XRCC5: variants seen among roughly 807,000 people sequenced by gnomAD.
XRCC5 encodes the protein X-ray repair cross complementing 5, also known as DNA repair protein Ku80.
In XRCC5, 12 loss-of-function variants were observed where a neutral mutation model predicts 95.7. That is an observed-to-expected ratio of 0.13 (90% confidence interval 0.08 to 0.20). XRCC5 has a LOEUF of 0.20. XRCC5 is among the 10% of genes least tolerant of loss of function. The pLI is 1.00. For missense variants in XRCC5, 595 were observed against 873.9 expected, an observed-to-expected ratio of 0.68 and a Z score of 4.02; for synonymous variants, 281 against 290.3, an observed-to-expected ratio of 0.97 and a Z score of 0.33.
chr2:216,131,737 T>G (rs1191724619), intron 9 of XRCC5, among the ~76,000 whole-genome samples: 5 of 152,222 alleles, frequency 3.3e-5, no homozygotes, highest in Admixed American at 3.3e-4. Context: ...TTTAGGAGAC[T>G]TCATCATCTG....
chr2:216,162,035 C>A lies in XRCC5; in HGVS notation c.1821C>A (p.Ala607=). ...NFRVLVKQKK[A]SFEEASNQLI... is the part of the protein sequence containing the mutation. ...GTGTTCTAGTGAAACAGAAGAAGGC[C>A]AGCTTTGAGGAAGGTGAGTGGTTGA... The change falls in exon 16 of 21, where the codon GCC becomes GCA. Residue 607 remains alanine, a synonymous_variant. Coordinates refer to ENST00000392132, the MANE Select transcript of XRCC5 (RefSeq NM_021141.4). 6.2e-7 allele frequency: 1 copy of A among 1,614,070 alleles called. No individual in the cohort carries two copies. Among genetic ancestry groups the A allele is most frequent in the Non-Finnish European group, 8.5e-7 (1 of 1,179,978 alleles).
chr2:216,191,012 C>G (rs1468591047), intron 17 of XRCC5, among the ~76,000 whole-genome samples: 2 of 152,052 alleles, frequency 1.3e-5, no homozygotes, highest in Non-Finnish European at 2.9e-5. Context: ...TGAATTAATG[C>G]TTAAATAATT....
intron 10 of XRCC5, among the ~76,000 whole-genome samples, chr2:216,133,415 A>T (rs76053844): frequency 6.6e-6 from 1 of 152,286 alleles, no homozygotes; most frequent in Non-Finnish European, 1.5e-5. Flanking sequence ...GGCTCAAGCG[A>T]TTCTCCTACC....
chr2:216,155,747 A>G (rs190298165), intron 14 of XRCC5, among the ~76,000 whole-genome samples: 2 of 152,374 alleles, frequency 1.3e-5, no homozygotes, highest in Admixed American at 6.5e-5. Flanking sequence ...TAAAAAGCAC[A>G]TACATAAAGC....
chr2:216,187,774 C>T (rs1359216870), intron 16 of XRCC5, among the ~76,000 whole-genome samples: 1 of 142,062 alleles, frequency 7.0e-6, no homozygotes, highest in Non-Finnish European at 1.5e-5. Flanking sequence ...ATCTGTGATG[C>T]CATGAACTCC....
At chr2:216,126,122 C>G (rs372496470) in intron 7 of XRCC5, 91 bp downstream of exon 7, 1 of 1,013,210 alleles carries the variant, frequency 9.9e-7, no homozygotes, top group Non-Finnish European at 1.5e-6. Context: ...GTGTGTTACT[C>G]GGAACCATAA....
intron 16 of XRCC5, among the ~76,000 whole-genome samples, chr2:216,172,550 C>T (rs111439899): frequency 0.15 from 21,455 of 146,050 alleles, 1,664 homozygotes; most frequent in African/African-American, 0.21. Flanking sequence ...CTCACTGTAG[C>T]CTCCACCTCC....
chr2:216,184,485 CTG>C (rs1360663837), intron 16 of XRCC5, among the ~76,000 whole-genome samples: 2 of 152,004 alleles, frequency 1.3e-5, no homozygotes, highest in Non-Finnish European at 2.9e-5. Flanking sequence ...TTGCTAATTT[CTG>C]TGTTTTTGAG....
At chr2:216,205,125 C>T in intron 20 of XRCC5, 63 bp from the exon 21 acceptor site, 1 of 1,598,562 alleles carries the variant, frequency 6.3e-7, no homozygotes, top group Non-Finnish European at 8.6e-7. Flanking sequence ...CCCTCTCTCA[C>T]CAGAGAAGCA....
chr2:216,141,016 G>A (rs1559245038), intron 12 of XRCC5, among the ~76,000 whole-genome samples, 170 bp from the exon 13 acceptor site: 1 of 152,158 alleles, frequency 6.6e-6, no homozygotes, highest in Non-Finnish European at 1.5e-5. Flanking sequence ...TCTTTTCATG[G>A]ATAAGAAAAC....
At position 216,137,085 on chromosome 2, in the gene XRCC5, C is replaced by T. The variant is rs765453920; in HGVS notation, c.1114-3C>T. 3 of 1,611,646 alleles carry T rather than the reference C, an allele frequency of 1.9e-6. No homozygotes were observed. Among genetic ancestry groups the T allele is most frequent in the Middle Eastern group, 1.7e-4 (1 of 6,046 alleles). The stretch of plus-strand genomic sequence containing the variant: ...GTGTTAATACATCCATCTTTCTTAC[C>T]AGGCAGCTGCAGTTGCACTTTCCTC... On this transcript the variant is annotated splice_polypyrimidine_tract_variant and splice_region_variant and intron_variant, in intron 10 of 20. Coordinates refer to ENST00000392132, the MANE Select transcript of XRCC5 (RefSeq NM_021141.4).
intron 12 of XRCC5, among the ~76,000 whole-genome samples, chr2:216,139,653 C>T (rs931276526): frequency 2.0e-5 from 3 of 151,968 alleles, no homozygotes; most frequent in Non-Finnish European, 2.9e-5. Context: ...ACTACAGGTA[C>T]GCGCCACCGT....
intron 15 of XRCC5, 152 bp downstream of exon 15, chr2:216,160,313 C>A: frequency 2.1e-6 from 1 of 486,978 alleles, no homozygotes. Context: ...GCCAAAAAGA[C>A]CCATTCCATA....
chr2:216,149,284 C>CT (rs1329215893), intron 14 of XRCC5, among the ~76,000 whole-genome samples: 18 of 152,044 alleles, frequency 1.2e-4, no homozygotes, highest in Admixed American at 9.8e-4. Context: ...AACATCCAAG[C>CT]TTTGTCAGAA....
At chr2:216,147,365 C>T (rs1461316031) in intron 13 of XRCC5, among the ~76,000 whole-genome samples, 1 of 152,040 alleles carries the variant, frequency 6.6e-6, no homozygotes, top group East Asian at 1.9e-4. Context: ...AGCAGGGCTG[C>T]ATCATAGGAC....
At chr2:216,156,667 C>G (rs1559250321) in intron 14 of XRCC5, 4 of 548,336 alleles carry the variant, frequency 7.3e-6, no homozygotes, top group East Asian at 9.9e-5. Context: ...AGCTTCATAA[C>G]TCACTGCAAT....
intron 10 of XRCC5, among the ~76,000 whole-genome samples, chr2:216,136,726 CTAT>C (rs952886441): frequency 2.2e-4 from 33 of 152,076 alleles, no homozygotes; most frequent in Middle Eastern, 3.4e-3. Flanking sequence ...AACAGCATGC[CTAT>C]TATTTTAAGA....
At chr2:216,178,789 T>C (rs907545693) in intron 16 of XRCC5, among the ~76,000 whole-genome samples, 1 of 152,200 alleles carries the variant, frequency 6.6e-6, no homozygotes, top group African/African-American at 2.4e-5. Flanking sequence ...CTAGACTGTC[T>C]ACTCCCCTAA....
chr2:216,142,264 T>A (rs1294058821), intron 13 of XRCC5, among the ~76,000 whole-genome samples: 2 of 152,180 alleles, frequency 1.3e-5, no homozygotes, highest in Non-Finnish European at 2.9e-5. Context: ...AACTCTATAA[T>A]AATATAACAT....
Sources: gnomAD v4.1 joint callset for allele counts (sites outside exome capture counted in the v4.1 genomes callset) on GRCh38, gnomAD v4.1.1 for gene constraint, MANE v1.5 for transcripts, NCBI Gene and HGNC (gene_info 2026-07-23, HGNC 2026-07-21) for gene names.